SAMMSON: variants seen among roughly 807,000 people sequenced by gnomAD.
SAMMSON encodes survival associated mitochondrial melanoma specific oncogenic non-coding RNA, also known as long intergenic non-protein coding RNA 1212.
At chr3:70,326,647 C>T (rs184891778) in intron 7 of SAMMSON, among the ~76,000 whole-genome samples, 1 of 152,242 alleles carries the variant, frequency 6.6e-6, no homozygotes, top group East Asian at 1.9e-4. Flanking sequence ...TTTATCCTTC[C>T]ATGTAGGCTT....
intron 4 of SAMMSON, among the ~76,000 whole-genome samples, chr3:70,194,083 A>G (rs1177426101): frequency 2.6e-5 from 4 of 152,194 alleles, no homozygotes; most frequent in African/African-American, 7.2e-5. Flanking sequence ...ATTGCTTTCC[A>G]TATTTTGTCG....
chr3:70,118,249 A>G (rs1335897763), intron 4 of SAMMSON, among the ~76,000 whole-genome samples: 3 of 152,282 alleles, frequency 2.0e-5, no homozygotes, highest in South Asian at 2.1e-4. Flanking sequence ...ATATGCACGG[A>G]CAAATACACT....
At chr3:70,232,128 A>C (rs1307889515) in intron 4 of SAMMSON, among the ~76,000 whole-genome samples, 1 of 152,156 alleles carries the variant, frequency 6.6e-6, no homozygotes, top group East Asian at 1.9e-4. Flanking sequence ...TGGCAGCGAG[A>C]TGTTTTCACC....
chr3:70,205,732 C>T (rs1422808173), intron 4 of SAMMSON: 1 of 151,988 alleles, frequency 6.6e-6, no homozygotes, highest in Non-Finnish European at 1.5e-5. Context: ...TTTATTTAAT[C>T]TTTTTTCTTA....
At chr3:70,185,410 T>C (rs1448390090) in intron 4 of SAMMSON, among the ~76,000 whole-genome samples, 2 of 152,134 alleles carry the variant, frequency 1.3e-5, no homozygotes, top group Non-Finnish European at 2.9e-5. Flanking sequence ...TTCTTCCCTA[T>C]AATTAAGGGG....
At chr3:70,138,675 G>T (rs1372588117) in intron 4 of SAMMSON, among the ~76,000 whole-genome samples, 1 of 152,076 alleles carries the variant, frequency 6.6e-6, no homozygotes, top group Admixed American at 6.6e-5. Flanking sequence ...AGCCCCCAAA[G>T]TCTTATCTCA....
intron 4 of SAMMSON, among the ~76,000 whole-genome samples, chr3:70,165,786 T>C (rs1399547124): frequency 2.0e-5 from 3 of 151,982 alleles, no homozygotes; most frequent in East Asian, 1.9e-4. Context: ...ACCATTCTTA[T>C]AGGACGTGGT....
intron 4 of SAMMSON, among the ~76,000 whole-genome samples, chr3:70,179,878 T>C (rs1701037994): frequency 6.6e-6 from 1 of 152,062 alleles, no homozygotes; most frequent in Non-Finnish European, 1.5e-5. Flanking sequence ...ATGTGCTTCC[T>C]GAGTGAGTGG....
chr3:70,180,818 G>A (rs945216225), intron 4 of SAMMSON, among the ~76,000 whole-genome samples: 3 of 152,220 alleles, frequency 2.0e-5, no homozygotes, highest in Non-Finnish European at 2.9e-5. Context: ...TAAGTGCTGC[G>A]AAGGCTAAGA....
chr3:70,294,338 T>C (rs1364465158), intron 7 of SAMMSON, among the ~76,000 whole-genome samples: 1 of 152,174 alleles, frequency 6.6e-6, no homozygotes, highest in East Asian at 1.9e-4. Context: ...CAAGAAGTAA[T>C]GATACTTAGA....
intron 4 of SAMMSON, among the ~76,000 whole-genome samples, chr3:70,232,332 A>C (rs772134282): frequency 6.6e-6 from 1 of 152,104 alleles, no homozygotes; most frequent in African/African-American, 2.4e-5. Flanking sequence ...CCTCATGATC[A>C]GTGCACATGT....
chr3:70,293,887 T>C (rs1702265128), intron 7 of SAMMSON, among the ~76,000 whole-genome samples: 1 of 152,096 alleles, frequency 6.6e-6, no homozygotes. Flanking sequence ...ATTTTTGTGT[T>C]ACATGTTGAA....
chr3:70,344,465 C>T (rs1448763341), intron 7 of SAMMSON, among the ~76,000 whole-genome samples: 2 of 152,172 alleles, frequency 1.3e-5, no homozygotes, highest in African/African-American at 4.8e-5. Context: ...CCACCTCCAC[C>T]ACTCAATGAA....
intron 4 of SAMMSON, among the ~76,000 whole-genome samples, chr3:70,222,951 A>G (rs1235343820): frequency 3.3e-5 from 5 of 152,208 alleles, no homozygotes; most frequent in Non-Finnish European, 4.4e-5. Flanking sequence ...TAATTTATAT[A>G]TCATGACCTG....
chr3:70,349,556 T>C (rs998833799), intron 7 of SAMMSON, among the ~76,000 whole-genome samples: 1 of 152,160 alleles, frequency 6.6e-6, no homozygotes, highest in African/African-American at 2.4e-5. Context: ...GGGGTATTGA[T>C]AAAGTCTCAG....
intron 4 of SAMMSON, among the ~76,000 whole-genome samples, chr3:70,225,276 G>C (rs937653940): frequency 6.6e-6 from 1 of 152,104 alleles, no homozygotes; most frequent in African/African-American, 2.4e-5. Flanking sequence ...AGATTTTCTT[G>C]AATTCTCTTC....
intron 3 of SAMMSON, among the ~76,000 whole-genome samples, chr3:70,060,040 T>C (rs143717455): frequency 6.6e-6 from 1 of 152,174 alleles, no homozygotes; most frequent in African/African-American, 2.4e-5. Context: ...CCTTTGTCAG[T>C]TGATGTTAGT....
intron 4 of SAMMSON, among the ~76,000 whole-genome samples, chr3:70,241,360 CTGTCTT>C (rs1701666235): frequency 6.6e-6 from 1 of 152,094 alleles, no homozygotes; most frequent in South Asian, 2.1e-4. Context: ...CTTTCAAAGT[CTGTCTT>C]TGTATATGCA....
At chr3:70,155,265 T>G (rs2067587636) in intron 4 of SAMMSON, among the ~76,000 whole-genome samples, 1 of 151,990 alleles carries the variant, frequency 6.6e-6, no homozygotes, top group African/African-American at 2.4e-5. Context: ...GGTTTATTTC[T>G]CTGGATTATG....
Sources: gnomAD v4.1 joint callset for allele counts (sites outside exome capture counted in the v4.1 genomes callset) on GRCh38, gnomAD v4.1.1 for gene constraint, MANE v1.5 for transcripts, NCBI Gene and HGNC (gene_info 2026-07-23, HGNC 2026-07-21) for gene names.